Variants in CPEB3 observed in about 807,000 individuals in gnomAD.
CPEB3 encodes the protein cytoplasmic polyadenylation element binding protein 3.
In CPEB3, 20 loss-of-function variants were observed where a neutral mutation model predicts 67.2. The observed-to-expected ratio is 0.30, with a 90% CI of 0.21 to 0.43. The LOEUF (loss-of-function observed/expected upper bound fraction) is 0.43, where lower values mean the gene tolerates loss of function less well. CPEB3 is among the 20% of genes least tolerant of loss of function. The pLI is 1.00. For missense variants in CPEB3, 746 were observed against 968.6 expected, an observed-to-expected ratio of 0.77 and a Z score of 3.05; for synonymous variants, 376 against 393.1, an observed-to-expected ratio of 0.96 and a Z score of 0.51.
At chr10:92,191,416 A>C (rs901379349) in intron 3 of CPEB3, among the ~76,000 whole-genome samples, 1 of 151,970 alleles carries the variant, frequency 6.6e-6, no homozygotes, top group Non-Finnish European at 1.5e-5. Flanking sequence ...AAAATAAAAA[A>C]AAAATAAACT....
intron 2 of CPEB3, among the ~76,000 whole-genome samples, chr10:92,238,671 T>C (rs1344158311): frequency 1.3e-5 from 2 of 152,012 alleles, no homozygotes; most frequent in Non-Finnish European, 2.9e-5. Context: ...TGGAGAGGGT[T>C]GCCCTTAGAA....
At chr10:92,138,241 G>T in intron 6 of CPEB3, 1 of 222,970 alleles carries the variant, frequency 4.5e-6, no homozygotes, top group South Asian at 7.6e-5. Context: ...TGGTCGAGGT[G>T]GATGGTTTGG....
At chr10:92,137,546 T>G in intron 6 of CPEB3, 2 of 772,644 alleles carry the variant, frequency 2.6e-6, no homozygotes, top group South Asian at 2.7e-5. Flanking sequence ...AGGGACCCCA[T>G]TTGGATTCCT....
At chr10:92,130,872 T>TA (rs1845816294) in intron 6 of CPEB3, among the ~76,000 whole-genome samples, 1 of 152,180 alleles carries the variant, frequency 6.6e-6, no homozygotes, top group Non-Finnish European at 1.5e-5. Flanking sequence ...CCTTTCTAGT[T>TA]ACACACAAGC....
intron 4 of CPEB3, among the ~76,000 whole-genome samples, chr10:92,170,316 A>G (rs1590294590): frequency 6.6e-6 from 1 of 152,198 alleles, no homozygotes. Context: ...CATGTTATCA[A>G]AGTAATCACT....
intron 1 of CPEB3, among the ~76,000 whole-genome samples, chr10:92,244,721 G>A (rs1489889160): frequency 6.6e-6 from 1 of 152,178 alleles, no homozygotes; most frequent in East Asian, 1.9e-4. Context: ...ACAGGCATGA[G>A]CCACCGCACC....
At chr10:92,192,714 T>G in intron 2 of CPEB3, 78 bp from the exon 3 acceptor site, 1 of 1,097,496 alleles carries the variant, frequency 9.1e-7, no homozygotes, top group Non-Finnish European at 1.3e-6. Context: ...CTTCCTGCTG[T>G]GGATTGATGA....
Position 92,234,862 on chromosome 10 carries a change from T to C in CPEB3, c.1005+4484A>G, listed in dbSNP as rs551027792. Among the ~76,000 whole-genome samples, 4 of 151,784 alleles carry C rather than the reference T, an allele frequency of 2.6e-5. No homozygotes were observed. The South Asian group carries it at 8.4e-4, about 32-fold the overall frequency. On this transcript the variant is annotated intron_variant, in intron 2 of 9. Transcript: ENST00000265997. ...ATCTCTTGAACCGGGGAGGCAGAGT[T>C]TGCAGTGAGCCGAGATCACGCCACT...
At chr10:92,056,859 C>T (rs1842130696) in intron 9 of CPEB3, among the ~76,000 whole-genome samples, 2 of 152,210 alleles carry the variant, frequency 1.3e-5, no homozygotes, top group South Asian at 2.1e-4. Context: ...GTGGGAAGAG[C>T]TTCGTCTTGC....
At chr10:92,185,507 A>G (rs1848647338) in intron 3 of CPEB3, among the ~76,000 whole-genome samples, 1 of 152,246 alleles carries the variant, frequency 6.6e-6, no homozygotes, top group South Asian at 2.1e-4. Context: ...TCATGATTCA[A>G]AGTTTCAGAA....
chr10:92,187,725 G>A (rs1200806631), intron 3 of CPEB3, among the ~76,000 whole-genome samples: 1 of 152,026 alleles, frequency 6.6e-6, no homozygotes, highest in African/African-American at 2.4e-5. Context: ...AAGACAATAG[G>A]GATGAATCTT....
chr10:92,180,330 CCTGG>C (rs1848407106), intron 4 of CPEB3, among the ~76,000 whole-genome samples: 1 of 152,208 alleles, frequency 6.6e-6, no homozygotes, highest in Non-Finnish European at 1.5e-5. Flanking sequence ...GCTTGAAATA[CCTGG>C]CTATCTACCA....
At chr10:92,163,163 A>T (rs1369737378) in intron 4 of CPEB3, among the ~76,000 whole-genome samples, 3 of 152,220 alleles carry the variant, frequency 2.0e-5, no homozygotes, top group Non-Finnish European at 1.5e-5. Flanking sequence ...CGCAAGGCAC[A>T]GTGGCTCACA....
chr10:92,154,181 G>A (rs1016078329), intron 4 of CPEB3, among the ~76,000 whole-genome samples: 1 of 152,166 alleles, frequency 6.6e-6, no homozygotes, highest in Non-Finnish European at 1.5e-5. Context: ...TTCTAACAGG[G>A]GTTGCAGTTG....
rs182736974 is a variant in CPEB3, at chr10:92,115,840, T to A, written c.1454-4646A>T. 7.4e-3 allele frequency among the ~76,000 whole-genome samples: 1,125 copies of A among 152,202 alleles called. 14 individuals carry two copies. The highest frequency in any genetic ancestry group is 0.023 in the South Asian group (109 of 4,818). On this transcript the variant is annotated intron_variant, in intron 6 of 9. Coordinates refer to ENST00000265997, the MANE Select transcript of CPEB3 (RefSeq NM_014912.5). ...ATGTATGTGAAAAAACAAAAAAAAATTTAGTATGCGATCATCATTTAGTAG... is the reference window on the plus strand; with the variant it reads ...ATGTATGTGAAAAAACAAAAAAAAAATTAGTATGCGATCATCATTTAGTAG...
intron 1 of CPEB3, among the ~76,000 whole-genome samples, chr10:92,252,729 A>G (rs1468624847): frequency 6.6e-6 from 1 of 151,902 alleles, no homozygotes; most frequent in East Asian, 1.9e-4. Context: ...CGTGTTGCCC[A>G]GGCTCATCTC....
At chr10:92,159,788 C>T (rs1182239348) in intron 4 of CPEB3, among the ~76,000 whole-genome samples, 1 of 152,198 alleles carries the variant, frequency 6.6e-6, no homozygotes, top group African/African-American at 2.4e-5. Context: ...TCATTTTCTA[C>T]TACTTTCCAC....
intron 1 of CPEB3, among the ~76,000 whole-genome samples, chr10:92,246,917 G>A (rs1465397719): frequency 6.6e-6 from 1 of 152,148 alleles, no homozygotes; most frequent in Non-Finnish European, 1.5e-5. Context: ...AACTCCAAGT[G>A]CAGGTCTATT....
In CPEB3 at chr10:92,047,273, A is replaced by AC. The variant is rs1852141793; in HGVS notation, c.*4938_*4939insG. ...TTTGGTTATTATAAAAGAAAAAAAA[A>AC]AACAAATGTTAGCTGACATACCATA... On this transcript the variant is annotated 3_prime_UTR_variant, in exon 10 of 10. Transcript: ENST00000265997. 1 of 152,074 alleles carries AC rather than the reference A, an allele frequency of 6.6e-6. No homozygotes were observed. Among genetic ancestry groups the AC allele is most frequent in the South Asian group, 2.1e-4 (1 of 4,814 alleles). 9.4% of individuals were successfully genotyped at this position (152,074 alleles called of 1,614,324 possible).
Sources: allele counts gnomAD v4.1 joint callset (sites outside exome capture counted in the v4.1 genomes callset), GRCh38; gene constraint gnomAD v4.1.1; transcripts MANE v1.5; gene names NCBI Gene and HGNC (gene_info 2026-07-23, HGNC 2026-07-21).